MX1: variants seen among roughly 807,000 people sequenced by gnomAD.
MX1 encodes the protein MX dynamin like GTPase 1.
A neutral mutation model predicts 66.4 loss-of-function variants in MX1; 66 were observed. That is an observed-to-expected ratio of 0.99 (90% CI 0.82 to 1.22). The LOEUF (loss-of-function observed/expected upper bound fraction) is 1.22, where lower values mean the gene tolerates loss of function less well. Among genes scored for constraint, MX1 ranks in the 50% most tolerant of loss-of-function variants. MX1 has a pLI of 0.00. For synonymous variants in MX1, 311 were observed against 318.1 expected (o/e 0.98, Z 0.24); for missense variants, 787 against 834.3 (o/e 0.94, Z 0.70).
chr21:41,421,014 C>T (rs1054892233), intron 1 of MX1, among the ~76,000 whole-genome samples: 42 of 152,200 alleles, frequency 2.8e-4, no homozygotes, highest in Non-Finnish European at 5.4e-4. Flanking sequence ...TGGAGGATCC[C>T]GCCAGCCTCT....
At chr21:41,457,568 A>G (rs2090988323) in intron 16 of MX1, among the ~76,000 whole-genome samples, 1 of 152,040 alleles carries the variant, frequency 6.6e-6, no homozygotes, top group African/African-American at 2.4e-5. Context: ...GGTACTCCAC[A>G]CGCCCACTCA....
rs11317486 is a variant in MX1 at position 41,444,318 on chromosome 21, C to CTT, written c.1008+477_1008+478dup. On this transcript the variant is annotated intron_variant, in intron 11 of 16. Transcript: ENST00000398598. ...AATTTTCTTTTCTTTTCTTTTCTTT[C>CTT]TTTTTTTTTTTTTTTTTTTTTTTTT... Among the ~76,000 whole-genome samples the CTT allele has an allele frequency of 5.6e-3, 398 of 71,550 alleles. 53 individuals are homozygous for CTT. The highest frequency in any genetic ancestry group is 0.014 in the East Asian group (32 of 2,260). The allele number at this position is 71,550 out of a possible 152,430, so 46.9% of individuals were successfully genotyped here. A position where few individuals can be genotyped will look rare whatever the true frequency, so the allele number is the denominator to read the frequency against.
chr21:41,449,108 A>T (rs776741720), intron 13 of MX1, 29 bp from the exon 14 acceptor site: 1 of 1,554,392 alleles, frequency 6.4e-7, no homozygotes, highest in Non-Finnish European at 8.7e-7. Flanking sequence ...TTTGTAAAAT[A>T]ATTTAGAGGG....
rs1196706802 is a variant in MX1 at position 41,441,455 on chromosome 21, C to T, written c.731-261C>T. 5.5e-6 allele frequency: 3 copies of T among 541,994 alleles called. No individual in the cohort carries two copies. The highest frequency in any genetic ancestry group is 3.8e-5 in the African/African-American group (2 of 52,840). The allele number at this position is 541,994 out of a possible 1,614,324, so 33.6% of individuals were successfully genotyped here. A position where few individuals can be genotyped will look rare whatever the true frequency, so the allele number is the denominator to read the frequency against. On this transcript the variant is annotated intron_variant, in intron 9 of 16. Transcript: ENST00000398598. This position sits in a 1 kb window ranked among gnomAD's most constrained non-coding sequence, Gnocchi z 4.0. ...AACTCAAGGGATAAACAAAACGTGG[C>T]GTGTTCTACAGTGGACCCGGGTGAA...
At position 41,441,647 on chromosome 21, in the gene MX1, G is replaced by A; in HGVS notation, c.731-69G>A. 6.6e-7 allele frequency: 1 copy of A among 1,517,910 alleles called. No homozygotes were observed. The highest frequency in any genetic ancestry group is 2.3e-5 in the East Asian group (1 of 44,378). The allele number at this position is 1,517,910 out of a possible 1,614,324, so 94.0% of individuals were successfully genotyped here. On this transcript the variant is annotated intron_variant, in intron 9 of 16. Coordinates refer to ENST00000398598, the MANE Select transcript of MX1 (RefSeq NM_002462.5). This position sits in a 1 kb window ranked among gnomAD's most constrained non-coding sequence, Gnocchi z 4.0. ...GGAAACCCTGGGAGGCCGGGGGCGT[G>A]AGCAGTTGTTCGTTCACCTCTGCCT...
At chr21:41,423,505 A>G (rs2090014146), upstream of MX1, among the ~76,000 whole-genome samples, 1 of 152,054 alleles carries the variant, frequency 6.6e-6, no homozygotes. Flanking sequence ...GTTTTTGCCT[A>G]ATTAGTATTT....
chr21:41,448,940 G>C (rs1408842789), intron 13 of MX1, among the ~76,000 whole-genome samples, 197 bp from the exon 14 acceptor site: 1 of 37,814 alleles, frequency 2.6e-5, no homozygotes, highest in Non-Finnish European at 4.8e-5. Context: ...TTGTGTGTGT[G>C]TGTGTGTGTG....
At position 41,430,566 on chromosome 21, in the gene MX1, A is replaced by G. The variant is rs796892782; in HGVS notation, c.-64A>G. 6.6e-5 allele frequency: 10 copies of G among 152,224 alleles called. No homozygotes were observed. Among genetic ancestry groups the G allele is most frequent in the African/African-American group, 2.4e-4 (10 of 41,530 alleles). The allele number at this position is 152,224 out of a possible 1,614,324, so 9.4% of individuals were successfully genotyped here. ...GGAGAACAGCTCTGTGATACCATTT[A>G]ACTTGTTGACATTACTTTTATTTGA... On this transcript the variant is annotated 5_prime_UTR_variant, in exon 4 of 17. Transcript: ENST00000398598.
chr21:41,426,189 CG>C, upstream of MX1: 1 of 158,938 alleles, frequency 6.3e-6, no homozygotes, highest in Non-Finnish European at 1.4e-5. Context: ...CTTCGCGGCG[CG>C]GGGCGGGGCT....
upstream of MX1, among the ~76,000 whole-genome samples, chr21:41,425,387 G>A (rs1001094734): frequency 2.6e-5 from 4 of 152,204 alleles, no homozygotes; most frequent in African/African-American, 9.7e-5. Context: ...CTTCTTAAGG[G>A]TGGGGAAGAT....
At chr21:41,426,109 CG>C, upstream of MX1, 1 of 173,736 alleles carries the variant, frequency 5.8e-6, no homozygotes, top group Non-Finnish European at 1.2e-5. Flanking sequence ...GCTGCAGGTG[CG>C]GGGCCAGGAG....
intron 4 of MX1, among the ~76,000 whole-genome samples, chr21:41,430,870 T>C (rs1315526543): frequency 6.6e-6 from 1 of 152,192 alleles, no homozygotes; most frequent in Admixed American, 6.5e-5. Flanking sequence ...AATGACAATA[T>C]GAAATTGATG....
In MX1 at chr21:41,434,710, C is replaced by G. The variant is rs1310841284; in HGVS notation, c.106-1127C>G. Among the ~76,000 whole-genome samples the G allele has an allele frequency of 2.0e-5, 3 of 152,244 alleles. No homozygotes were observed. The South Asian group carries it at 6.2e-4, about 31-fold the overall frequency. ...CTTAGAATAGTGTATTTCCATCTCT[C>G]TGCTCTGAGCCTTCATACTATTTCT... is the stretch of plus-strand genomic sequence containing the variant. On this transcript the variant is annotated intron_variant, in intron 5 of 16. Coordinates refer to ENST00000398598, the MANE Select transcript of MX1 (RefSeq NM_002462.5).
In MX1 at chr21:41,458,931, A is replaced by C; in HGVS notation, c.*173A>C. Reference sequence around the variant, plus strand: ...CTGTGAGAGCAGTTTGGTTTCTAGCATGAAGACAGAGCCCCACCCTCAGAT... The same window carrying C: ...CTGTGAGAGCAGTTTGGTTTCTAGCCTGAAGACAGAGCCCCACCCTCAGAT... On this transcript the variant is annotated 3_prime_UTR_variant, in exon 17 of 17. Coordinates refer to ENST00000398598, the MANE Select transcript of MX1 (RefSeq NM_002462.5). 8.4e-7 allele frequency: 1 copy of C among 1,186,908 alleles called. No individual in the cohort carries two copies. Among genetic ancestry groups the C allele is most frequent in the Non-Finnish European group, 1.1e-6 (1 of 872,674 alleles). 73.5% of individuals were successfully genotyped at this position (1,186,908 alleles called of 1,614,324 possible).
chr21:41,425,186 G>A (rs1028798640), upstream of MX1, among the ~76,000 whole-genome samples: 3 of 152,364 alleles, frequency 2.0e-5, no homozygotes, highest in Admixed American at 6.5e-5. Context: ...TGAGCAACAT[G>A]GCTGTGTATT....
chr21:41,449,397 C>A, intron 14 of MX1, 102 bp downstream of exon 14: 2 of 1,220,522 alleles, frequency 1.6e-6, no homozygotes, highest in Non-Finnish European at 2.3e-6. Context: ...GGGGTGCATC[C>A]CACACCAACG....
rs759064575 is a variant in MX1, at chr21:41,432,083, G to A, written c.13G>A (p.Glu5Lys). 2.8e-5 allele frequency: 45 copies of A among 1,613,972 alleles called. No homozygotes were observed. The highest frequency in any genetic ancestry group is 5.3e-5 in the African/African-American group (4 of 74,928). MVVS[E>K]VDIAKADPAA... ...GCAAAGAAGGAAGATGGTTGTTTCC[G>A]AAGTGGACATCGCAAAAGCTGATCC... The change falls in exon 5 of 17, where the codon GAA becomes AAA. Residue 5 changes from glutamate to lysine, a missense_variant. By Grantham distance (56) the Glu-to-Lys change is moderately conservative. Coordinates refer to ENST00000398598, the MANE Select transcript of MX1 (RefSeq NM_002462.5).
upstream of MX1, among the ~76,000 whole-genome samples, chr21:41,425,322 G>A (rs1301362502): frequency 1.3e-5 from 2 of 152,202 alleles, no homozygotes; most frequent in Non-Finnish European, 2.9e-5. Flanking sequence ...TCTCTGGTGG[G>A]CAGGGGTGAA....
intron 15 of MX1, 37 bp downstream of exon 15, chr21:41,451,280 A>G: frequency 7.8e-7 from 1 of 1,277,520 alleles, no homozygotes; most frequent in Non-Finnish European, 1.1e-6. Context: ...AAAAAAAAAG[A>G]AAAGAAATTA....
Sources: gnomAD v4.1 joint callset for allele counts (sites outside exome capture counted in the v4.1 genomes callset) on GRCh38, gnomAD v4.1.1 for gene constraint, Gnocchi (gnomAD v3.1) non-coding constraint, MANE v1.5 for transcripts, NCBI Gene and HGNC (gene_info 2026-07-23, HGNC 2026-07-21) for gene names.